The following WASF2 variants were observed in gnomAD, a reference collection of about 807,000 sequenced individuals.
WASF2 encodes the protein WASP family member 2.
A neutral mutation model predicts 45.0 loss-of-function variants in WASF2; 14 were observed. The ratio of observed to expected loss-of-function variants is 0.31; its 90% CI spans 0.21 to 0.49. The LOEUF (loss-of-function observed/expected upper bound fraction) is 0.49. WASF2 is among the 20% of genes least tolerant of loss of function. The pLI is 0.99. For synonymous variants in WASF2, 200 were observed against 236.3 expected (o/e 0.85, Z 1.41); for missense variants, 439 against 636.1 (o/e 0.69, Z 3.33).
At chr1:27,489,252 GCACACACACA>G (rs60315426) in intron 1 of WASF2, among the ~76,000 whole-genome samples, 114 of 80,276 alleles carry the variant, frequency 1.4e-3, no homozygotes, top group African/African-American at 4.9e-3. Context: ...CTGTACGCGC[GCACACACACA>G]CACACACACA....
At chr1:27,461,554 C>G (rs2017545282) in intron 1 of WASF2, among the ~76,000 whole-genome samples, 2 of 151,806 alleles carry the variant, frequency 1.3e-5, no homozygotes, top group African/African-American at 2.4e-5. Context: ...GCTCCGCCTC[C>G]CGGGCTCACT....
At chr1:27,457,559 GAATGGAAT>G (rs1036333209) in intron 1 of WASF2, among the ~76,000 whole-genome samples, 135 of 151,122 alleles carry the variant, frequency 8.9e-4, no homozygotes, top group Admixed American at 2.2e-3. Context: ...AAGAATGGAA[GAATGGAAT>G]AATGGCAGAG....
chr1:27,474,906 C>G (rs942188702), intron 1 of WASF2, among the ~76,000 whole-genome samples: 18 of 151,980 alleles, frequency 1.2e-4, no homozygotes, highest in African/African-American at 4.4e-4. Flanking sequence ...GAGCCATGAT[C>G]GCACCACTGC....
Position 27,481,614 on chromosome 1 carries a change from G to A in WASF2, c.-44+8372C>T, listed in dbSNP as rs2148145387. 1.3e-5 allele frequency among the ~76,000 whole-genome samples: 2 copies of A among 152,120 alleles called. 1 individual carries two copies. Among genetic ancestry groups the A allele is most frequent in the South Asian group, 4.1e-4 (2 of 4,826 alleles). ...CTTAGCTCAGGAGGCCGAGGCAGGA[G>A]AATGGCTTGAGCCTGGGGTGAGCAG... is the stretch of plus-strand genomic sequence containing the variant. On this transcript the variant is annotated intron_variant, in intron 1 of 8. Transcript: ENST00000618852.
Position 27,405,529 on chromosome 1 carries a change from G to C in WASF2, c.*2660C>G, listed in dbSNP as rs183606438. On this transcript the variant is annotated 3_prime_UTR_variant, in exon 9 of 9. Coordinates refer to ENST00000618852, the MANE Select transcript of WASF2 (RefSeq NM_006990.5). ...CACTAAACTTTGCATTCTACATTAC[G>C]TGAGTCCAAAAACAGGATTACCTGC... 1.3e-5 allele frequency: 2 copies of C among 149,482 alleles called. No homozygotes were observed. The highest frequency in any genetic ancestry group is 6.6e-5 in the Admixed American group (1 of 15,092). 9.3% of individuals were successfully genotyped at this position (149,482 alleles called of 1,614,324 possible). A position where few individuals can be genotyped will look rare whatever the true frequency, so the allele number is the denominator to read the frequency against.
intron 2 of WASF2, among the ~76,000 whole-genome samples, chr1:27,424,846 A>G (rs932427622): frequency 6.6e-6 from 1 of 152,204 alleles, no homozygotes; most frequent in African/African-American, 2.4e-5. Context: ...GATTTGTGAT[A>G]CAATGTGATA....
In WASF2 at chr1:27,418,206, C is replaced by T; in HGVS notation, c.419+63G>A. The T allele has an allele frequency of 2.0e-6, 3 of 1,513,298 alleles. No homozygotes were observed. In the South Asian group the frequency reaches 3.9e-5, roughly 19 times the overall value. 93.7% of individuals were successfully genotyped at this position (1,513,298 alleles called of 1,614,324 possible). A position where few individuals can be genotyped will look rare whatever the true frequency, so the allele number is the denominator to read the frequency against. ...CTCTGATGGAAACAACCGCTTCAGA[C>T]AAAAAAAAATCTAGCGTTATTAAAC... On this transcript the variant is annotated intron_variant, in intron 4 of 8. Coordinates refer to ENST00000618852, the MANE Select transcript of WASF2 (RefSeq NM_006990.5).
At chr1:27,483,043 G>T (rs1035595467) in intron 1 of WASF2, among the ~76,000 whole-genome samples, 1 of 152,100 alleles carries the variant, frequency 6.6e-6, no homozygotes, top group African/African-American at 2.4e-5. Flanking sequence ...GAATACAAAG[G>T]CCATAATTAA....
intron 1 of WASF2, among the ~76,000 whole-genome samples, chr1:27,472,500 G>A (rs2017703258): frequency 6.6e-6 from 1 of 151,452 alleles, no homozygotes; most frequent in Non-Finnish European, 1.5e-5. Flanking sequence ...CAGGCATGGT[G>A]GCTAGCACCT....
chr1:27,454,187 A>ATATATATATTT (rs1469446976), intron 1 of WASF2, among the ~76,000 whole-genome samples: 2 of 12,776 alleles, frequency 1.6e-4, no homozygotes, highest in South Asian at 3.8e-3. Context: ...ATATATATAT[A>ATATATATATTT]TTTTTTTTTT....
chr1:27,465,935 C>T (rs1443797339), intron 1 of WASF2, among the ~76,000 whole-genome samples: 1 of 152,160 alleles, frequency 6.6e-6, no homozygotes, highest in Non-Finnish European at 1.5e-5. Context: ...GAATCAGGAG[C>T]TAGCTTGAAG....
intron 1 of WASF2, among the ~76,000 whole-genome samples, chr1:27,459,782 C>T (rs1052364745): frequency 2.6e-5 from 4 of 152,164 alleles, no homozygotes; most frequent in African/African-American, 9.7e-5. Flanking sequence ...CTGTCCCACC[C>T]CCTATCACCC....
chr1:27,471,097 C>G (rs1456537303), intron 1 of WASF2, among the ~76,000 whole-genome samples: 2 of 152,070 alleles, frequency 1.3e-5, no homozygotes, highest in Admixed American at 1.3e-4. Context: ...GTAATCCCAG[C>G]ACTTTGGGAG....
At chr1:27,433,494 G>A (rs1024827199) in intron 1 of WASF2, among the ~76,000 whole-genome samples, 1 of 152,226 alleles carries the variant, frequency 6.6e-6, no homozygotes, top group Non-Finnish European at 1.5e-5. Flanking sequence ...ACTGGATGTT[G>A]GGGAACCACT....
At chr1:27,430,702 G>A (rs1431756359) in intron 1 of WASF2, among the ~76,000 whole-genome samples, 1 of 151,512 alleles carries the variant, frequency 6.6e-6, no homozygotes, top group East Asian at 1.9e-4. Context: ...GCAATGGTGC[G>A]ATCACAGCTC....
At chr1:27,448,010 GA>G (rs996880318) in intron 1 of WASF2, among the ~76,000 whole-genome samples, 14 of 152,322 alleles carry the variant, frequency 9.2e-5, no homozygotes, top group Admixed American at 2.6e-4. Context: ...ACTATTTGGT[GA>G]ACCTGTTCTG....
At position 27,428,845 on chromosome 1, in the gene WASF2, G is replaced by T. The variant is rs762525181; in HGVS notation, c.46C>A (p.Gln16Lys). 22 of 1,614,194 alleles carry T rather than the reference G, an allele frequency of 1.4e-5. No homozygotes were observed. The Middle Eastern group carries it at 2.0e-3, about 145-fold the overall frequency. Residue 16 changes from glutamine to lysine, a missense_variant, in exon 2 of 9, where the codon CAG becomes AAG. Physicochemically the swap from Gln to Lys is moderately conservative, Grantham distance 53 (BLOSUM62 1). Transcript: ENST00000618852. ...RNIEPRHLCRQTLPSVRSELE... is the reference protein window; with the variant it reads ...RNIEPRHLCRKTLPSVRSELE... The stretch of plus-strand genomic sequence containing the variant: ...TCGCTTCTAACGCTAGGCAACGTCT[G>T]ACGGCACAGGTGCCTTGGCTCGATG...
intron 1 of WASF2, among the ~76,000 whole-genome samples, chr1:27,449,941 C>T (rs1003104946): frequency 7.2e-5 from 11 of 152,028 alleles, no homozygotes; most frequent in Non-Finnish European, 1.5e-4. Context: ...GTCAGGAGTT[C>T]GAGACCAGCC....
At chr1:27,452,358 C>G (rs1364765958) in intron 1 of WASF2, among the ~76,000 whole-genome samples, 1 of 151,972 alleles carries the variant, frequency 6.6e-6, no homozygotes, top group Non-Finnish European at 1.5e-5. Flanking sequence ...ACTAAAAATA[C>G]AAAAATTAGC....
Sources: gnomAD v4.1 joint callset for allele counts (sites outside exome capture counted in the v4.1 genomes callset) on GRCh38, gnomAD v4.1.1 for gene constraint, MANE v1.5 for transcripts, NCBI Gene and HGNC (gene_info 2026-07-23, HGNC 2026-07-21) for gene names.